The following ANXA11 variants were observed in gnomAD, a reference collection of about 807,000 sequenced individuals.
ANXA11 encodes the protein 56 kDa autoantigen.
In ANXA11, 57 loss-of-function variants were observed where a neutral mutation model predicts 64.7. That is an observed-to-expected ratio of 0.88 (90% confidence interval 0.71 to 1.10). ANXA11 has a LOEUF of 1.10. Ranked by LOEUF, ANXA11 falls within the 50% of genes least tolerant of loss-of-function variation. The probability of loss-of-function intolerance (pLI) is 0.00; values close to 1 mark genes in which losing one functional copy is unlikely to be tolerated. For synonymous variants in ANXA11, 260 were observed against 265.2 expected (o/e 0.98, Z 0.19); for missense variants, 675 against 670.7 (o/e 1.01, Z -0.07).
intron 1 of ANXA11, among the ~76,000 whole-genome samples, chr10:80,187,722 G>A (rs565366881): frequency 2.0e-5 from 3 of 152,318 alleles, no homozygotes; most frequent in Admixed American, 2.0e-4. Flanking sequence ...CCTGAGCAGA[G>A]GGAGCTTCTG....
chr10:80,172,324 G>C (rs1232692890), intron 3 of ANXA11, among the ~76,000 whole-genome samples: 1 of 152,154 alleles, frequency 6.6e-6, no homozygotes, highest in Non-Finnish European at 1.5e-5. Context: ...TGGCAAGGGG[G>C]ATCTTGTTGC....
Position 80,166,091 on chromosome 10 carries a change from G to A in ANXA11, c.851C>T (p.Ala284Val), listed in dbSNP as rs928648891. The change falls in exon 8 of 16, where the codon GCC becomes GTC. Residue 284 changes from alanine to valine, a missense_variant. Transcript: ENST00000422982. ...VLFDIYEIKEAIKGVGTDEAC... is the reference protein window; with the variant it reads ...VLFDIYEIKEVIKGVGTDEAC... ...ACACACACACGTACACACCTTGATGGCTTCCTTTATCTCATAAATGTCAAA... is the reference window on the plus strand; with the variant it reads ...ACACACACACGTACACACCTTGATGACTTCCTTTATCTCATAAATGTCAAA... 1.3e-6 allele frequency: 2 copies of A among 1,571,258 alleles called. No homozygotes were observed. The highest frequency in any genetic ancestry group is 8.7e-7 in the Non-Finnish European group (1 of 1,144,598).
chr10:80,153,915 C>T lies in ANXA11; in HGVS notation c.*1938G>A, dbSNP rs1054043571. On this transcript the variant is annotated 3_prime_UTR_variant, in exon 16 of 16. Transcript: ENST00000422982. ...CCCAGCAGGCTTGATCTAGCCTAGTCTCTCTGGATTCTCCCATTTCTTTTT... is the reference window on the plus strand; with the variant it reads ...CCCAGCAGGCTTGATCTAGCCTAGTTTCTCTGGATTCTCCCATTTCTTTTT... The T allele has an allele frequency of 6.6e-6, 1 of 152,266 alleles. No individual in the cohort carries two copies. The highest frequency in any genetic ancestry group is 2.4e-5 in the African/African-American group (1 of 41,452). The allele number at this position is 152,266 out of a possible 1,614,324, so 9.4% of individuals were successfully genotyped here. A position where few individuals can be genotyped will look rare whatever the true frequency, so the allele number is the denominator to read the frequency against.
At chr10:80,192,088 T>C (rs1846802823) in intron 1 of ANXA11, among the ~76,000 whole-genome samples, 1 of 152,182 alleles carries the variant, frequency 6.6e-6, no homozygotes, top group Non-Finnish European at 1.5e-5. Flanking sequence ...TCTAGGATGA[T>C]TCTTTTTGTT....
intron 1 of ANXA11, among the ~76,000 whole-genome samples, chr10:80,195,001 T>C (rs951000722): frequency 4.6e-5 from 7 of 152,146 alleles, no homozygotes; most frequent in African/African-American, 1.7e-4. Context: ...TCTCATCTCC[T>C]TATGAATGGC....
intron 14 of ANXA11, 83 bp downstream of exon 14, chr10:80,157,884 C>T: frequency 6.3e-7 from 1 of 1,595,334 alleles, no homozygotes; most frequent in Non-Finnish European, 8.6e-7. Context: ...TTAGCTCTCC[C>T]CAGGCCTTCT....
At chr10:80,188,443 C>T (rs1846629379) in intron 1 of ANXA11, among the ~76,000 whole-genome samples, 1 of 143,396 alleles carries the variant, frequency 7.0e-6, no homozygotes, top group Non-Finnish European at 1.5e-5. Context: ...AAAATGCATC[C>T]ATCTCATTAC....
chr10:80,195,051 G>A (rs990901741), intron 1 of ANXA11, among the ~76,000 whole-genome samples: 8 of 152,204 alleles, frequency 5.3e-5, no homozygotes, highest in African/African-American at 1.9e-4. Context: ...GAGGAAGAGA[G>A]GCGAAGAAGA....
chr10:80,186,077 T>C (rs1376098401), intron 1 of ANXA11, among the ~76,000 whole-genome samples: 1 of 152,108 alleles, frequency 6.6e-6, no homozygotes, highest in African/African-American at 2.4e-5. Context: ...CTAGTCCTGC[T>C]CCCCACCAGC....
rs529477047 is a variant in ANXA11, at chr10:80,199,166, G to A, written c.-58+6177C>T. ...GGCTGGAGTGCAGTGGCACGATCTC[G>A]GCTCCACTGCAAGCTCCGCCTCCCG... is the stretch of plus-strand genomic sequence containing the variant. On this transcript the variant is annotated intron_variant, in intron 1 of 15. Transcript: ENST00000422982. 1.3e-4 allele frequency among the ~76,000 whole-genome samples: 19 copies of A among 147,730 alleles called. 2 individuals carry two copies. In the South Asian group the frequency reaches 2.1e-3, roughly 17 times the overall value.
At position 80,178,212 on chromosome 10, in the gene ANXA11, TCTC is replaced by T. The variant is rs1846237793; in HGVS notation, c.-57-2060_-57-2058del. Reference sequence around the variant, plus strand: ...GTGAGCTATAATCCAGAAGATCTGCTCTCTCTCTCTCTCTCTCTCTCTGGCATC... The same window carrying T: ...GTGAGCTATAATCCAGAAGATCTGCTTCTCTCTCTCTCTCTCTCTGGCATC... On this transcript the variant is annotated intron_variant, in intron 1 of 15. Coordinates refer to ENST00000422982, the MANE Select transcript of ANXA11 (RefSeq NM_145868.2). Among the ~76,000 whole-genome samples the T allele has an allele frequency of 1.5e-4, 14 of 96,358 alleles. No homozygotes were observed. In the Admixed American group the frequency reaches 1.8e-3, roughly 13 times the overall value. 63.2% of individuals were successfully genotyped at this position (96,358 alleles called of 152,430 possible). A position where few individuals can be genotyped will look rare whatever the true frequency, so the allele number is the denominator to read the frequency against.
At position 80,166,346 on chromosome 10, in the gene ANXA11, C is replaced by G. The variant is rs1019380501; in HGVS notation, c.745-149G>C. 1.9e-5 allele frequency: 11 copies of G among 586,300 alleles called. No homozygotes were observed. In the South Asian group the frequency reaches 2.3e-4, roughly 12 times the overall value. 36.3% of individuals were successfully genotyped at this position (586,300 alleles called of 1,614,324 possible). A position where few individuals can be genotyped will look rare whatever the true frequency, so the allele number is the denominator to read the frequency against. ...GGGGCCTGAGAGAAAAGCCTGCTCT[C>G]AGCCCTGCCCCAAACCTCCCAAATC... is the stretch of plus-strand genomic sequence containing the variant. On this transcript the variant is annotated intron_variant, in intron 7 of 15. Transcript: ENST00000422982.
At chr10:80,174,125 G>A (rs1246201941) in intron 2 of ANXA11, among the ~76,000 whole-genome samples, 1 of 152,142 alleles carries the variant, frequency 6.6e-6, no homozygotes, top group Admixed American at 6.5e-5. Context: ...CACAATCATG[G>A]CTCACTGCAG....
intron 1 of ANXA11, among the ~76,000 whole-genome samples, chr10:80,192,348 CAGG>C (rs1846814121): frequency 6.6e-6 from 1 of 151,916 alleles, no homozygotes; most frequent in Non-Finnish European, 1.5e-5. Context: ...CAAAGGGTCA[CAGG>C]ACATCTGAGA....
chr10:80,186,463 C>T (rs1031772223), intron 1 of ANXA11, among the ~76,000 whole-genome samples: 3 of 152,112 alleles, frequency 2.0e-5, no homozygotes, highest in Non-Finnish European at 4.4e-5. Context: ...ATCCCCTCCA[C>T]GTGCCTGGGT....
Position 80,164,080 on chromosome 10 carries a change from G to A in ANXA11, c.922C>T (p.Arg308Ter), listed in dbSNP as rs766560304. The A allele has an allele frequency of 1.4e-5, 22 of 1,614,018 alleles. No homozygotes were observed. Among genetic ancestry groups the A allele is most frequent in the Admixed American group, 3.3e-5 (2 of 60,002 alleles). ...ILASRSNEHI[R>*]ELNRAYKAEF... ...GCTTTGTAGGCTCTGTTTAATTCTC[G>A]GATGTGCTCATTGCTGCGGGAAGCG... Residue 308 changes from arginine to a stop codon, truncating the protein, a stop_gained, in exon 9 of 16, where the codon CGA becomes TGA. Coordinates refer to ENST00000422982, the MANE Select transcript of ANXA11 (RefSeq NM_145868.2). LOFTEE classifies it high-confidence loss of function.
intron 1 of ANXA11, among the ~76,000 whole-genome samples, chr10:80,195,104 G>C (rs547355515): frequency 6.6e-6 from 1 of 152,134 alleles, no homozygotes; most frequent in East Asian, 1.9e-4. Context: ...AGCCTCTCCC[G>C]GAAAGGCCCT....
chr10:80,182,695 C>T (rs1158856317), intron 1 of ANXA11, among the ~76,000 whole-genome samples: 1 of 152,134 alleles, frequency 6.6e-6, no homozygotes, highest in African/African-American at 2.4e-5. Flanking sequence ...CCTCCCTTGG[C>T]CTCCCATTCC....
intron 1 of ANXA11, among the ~76,000 whole-genome samples, chr10:80,191,331 T>A (rs1265678391): frequency 6.6e-6 from 1 of 152,188 alleles, no homozygotes; most frequent in African/African-American, 2.4e-5. Context: ...CAGGTTGCAG[T>A]GAGCCGAGAT....
Sources: gnomAD v4.1 joint callset for allele counts (sites outside exome capture counted in the v4.1 genomes callset) on GRCh38, gnomAD v4.1.1 for gene constraint, MANE v1.5 for transcripts, NCBI Gene and HGNC (gene_info 2026-07-23, HGNC 2026-07-21) for gene names.